Variants in SEMA3A observed in about 807,000 individuals in gnomAD.
SEMA3A encodes the protein semaphorin 3A.
SEMA3A carries 29 observed loss-of-function variants against 97.9 expected under a neutral mutation model. That is an observed-to-expected ratio of 0.30 (90% CI 0.22 to 0.40). The LOEUF (loss-of-function observed/expected upper bound fraction) is 0.40, where lower values mean the gene tolerates loss of function less well. Among genes scored for constraint, SEMA3A ranks in the 10% least tolerant of loss-of-function variants. The pLI, the probability that SEMA3A is intolerant of heterozygous loss-of-function variation, is 1.00. For synonymous variants in SEMA3A, 321 were observed against 323.7 expected, an observed-to-expected ratio of 0.99 and a Z score of 0.09; for missense variants, 763 against 951.3, an observed-to-expected ratio of 0.80 and a Z score of 2.60.
intron 2 of SEMA3A, among the ~76,000 whole-genome samples, chr7:84,359,928 A>G (rs1201226605): frequency 1.3e-5 from 2 of 150,792 alleles, no homozygotes; most frequent in Non-Finnish European, 2.9e-5. Context: ...ATTTGCGTAG[A>G]GGTGTTTGTA....
At chr7:84,288,767 A>G (rs1296243755) in intron 3 of SEMA3A, among the ~76,000 whole-genome samples, 2 of 152,046 alleles carry the variant, frequency 1.3e-5, no homozygotes, top group South Asian at 4.1e-4. Context: ...TGGCTTATAT[A>G]TTGTTTGGTG....
At chr7:84,413,816 G>GA (rs1424348179) in intron 1 of SEMA3A, among the ~76,000 whole-genome samples, 2 of 152,028 alleles carry the variant, frequency 1.3e-5, no homozygotes, top group Non-Finnish European at 2.9e-5. Flanking sequence ...GGATGTGTAG[G>GA]AAAAATATAA....
At chr7:84,073,207 A>C (rs2115762091) in intron 4 of SEMA3A, among the ~76,000 whole-genome samples, 1 of 152,188 alleles carries the variant, frequency 6.6e-6, no homozygotes, top group South Asian at 2.1e-4. Context: ...TATATAAATA[A>C]TAGCTTTATT....
At chr7:84,490,299 T>C (rs879413906) in intron 1 of SEMA3A, among the ~76,000 whole-genome samples, 4 of 151,900 alleles carry the variant, frequency 2.6e-5, no homozygotes, top group Non-Finnish European at 5.9e-5. Context: ...ACTGTATTCA[T>C]CCTCACTCAG....
intron 1 of SEMA3A, among the ~76,000 whole-genome samples, chr7:84,408,270 C>T (rs1308411248): frequency 1.3e-5 from 2 of 152,164 alleles, no homozygotes; most frequent in East Asian, 1.9e-4. Context: ...GACATTTATG[C>T]AGCCAAAAAC....
At chr7:84,000,025 AATTC>A (rs1790376880) in intron 12 of SEMA3A, among the ~76,000 whole-genome samples, 1 of 152,070 alleles carries the variant, frequency 6.6e-6, no homozygotes, top group Admixed American at 6.6e-5. Flanking sequence ...CATCAATACT[AATTC>A]ATTCACTCAT....
intron 14 of SEMA3A, among the ~76,000 whole-genome samples, chr7:83,979,995 C>G (rs1789327178): frequency 6.6e-6 from 1 of 151,856 alleles, no homozygotes; most frequent in African/African-American, 2.4e-5. Context: ...ATAAAGAAAT[C>G]AAATTATATT....
At chr7:84,425,591 TA>T (rs1047080313) in intron 1 of SEMA3A, among the ~76,000 whole-genome samples, 1 of 146,436 alleles carries the variant, frequency 6.8e-6, no homozygotes, top group Non-Finnish European at 1.5e-5. Context: ...GATATAAATA[TA>T]AACATATTGA....
At chr7:83,970,576 T>A (rs1788872926) in intron 15 of SEMA3A, among the ~76,000 whole-genome samples, 1 of 152,190 alleles carries the variant, frequency 6.6e-6, no homozygotes, top group African/African-American at 2.4e-5. Context: ...TTGTGAACCA[T>A]ATTCATTCAA....
intron 6 of SEMA3A, among the ~76,000 whole-genome samples, chr7:84,016,601 G>A (rs1791116638): frequency 6.6e-6 from 1 of 151,598 alleles, no homozygotes; most frequent in South Asian, 2.1e-4. Context: ...GTCACTTGTA[G>A]CTTCTGTGTC....
At chr7:84,268,871 A>G (rs1293561157) in intron 3 of SEMA3A, among the ~76,000 whole-genome samples, 1 of 152,088 alleles carries the variant, frequency 6.6e-6, no homozygotes, top group South Asian at 2.1e-4. Context: ...GAGAATTGCA[A>G]CTCCAGCTCA....
chr7:83,967,234 G>T lies in SEMA3A; in HGVS notation c.1718-3887C>A, dbSNP rs895407052. Among the ~76,000 whole-genome samples the T allele has an allele frequency of 1.1e-4, 16 of 152,054 alleles. 1 individual carries two copies. Among genetic ancestry groups the T allele is most frequent in the African/African-American group, 3.6e-4 (15 of 41,396 alleles). On this transcript the variant is annotated intron_variant, in intron 15 of 16. Coordinates refer to ENST00000265362, the MANE Select transcript of SEMA3A (RefSeq NM_006080.3). ...AATCAATATTTTAAAATAATAATTA[G>T]AAGGCATTCAATAAATATCCTTTCC... is the stretch of plus-strand genomic sequence containing the variant.
intron 3 of SEMA3A, among the ~76,000 whole-genome samples, chr7:84,269,189 A>G (rs1800084578): frequency 6.6e-6 from 1 of 152,048 alleles, no homozygotes; most frequent in African/African-American, 2.4e-5. Flanking sequence ...AATTTTCATC[A>G]TCCTATACAA....
chr7:84,489,323 C>T (rs1806661185), intron 1 of SEMA3A: 3 of 152,120 alleles, frequency 2.0e-5, no homozygotes, highest in African/African-American at 7.2e-5. Context: ...GGGCTTATTA[C>T]AATTCATGGA....
At chr7:84,060,368 T>A (rs1460635000) in intron 5 of SEMA3A, 97 bp downstream of exon 5, 1 of 775,550 alleles carries the variant, frequency 1.3e-6, no homozygotes, top group Non-Finnish European at 2.1e-6. Flanking sequence ...AAACAATTAT[T>A]ATTTCATAAT....
chr7:83,983,422 T>G (rs1275586561), intron 13 of SEMA3A, among the ~76,000 whole-genome samples: 1 of 152,054 alleles, frequency 6.6e-6, no homozygotes, highest in African/African-American at 2.4e-5. Context: ...CAATAACGTC[T>G]AAGAAGCATG....
At position 84,232,422 on chromosome 7, in the gene SEMA3A, A is replaced by ATCTC. The variant is rs142498521; in HGVS notation, c.-82-37758_-82-37755dup. The stretch of plus-strand genomic sequence containing the variant: ...ATATATGTCTGTGATAGATTGTTTA[A>ATCTC]TCTCTCTCTCTCTCTCTCTCCCTCT... On this transcript the variant is annotated intron_variant, in intron 3 of 3. Coordinates refer to the SEMA3A transcript ENST00000424555. Among the ~76,000 whole-genome samples, 16 of 146,048 alleles carry ATCTC rather than the reference A, an allele frequency of 1.1e-4. No individual in the cohort carries two copies. The East Asian group carries it at 1.2e-3, about 11-fold the overall frequency.
chr7:84,224,668 C>G (rs949707242), intron 3 of SEMA3A, among the ~76,000 whole-genome samples: 2 of 152,008 alleles, frequency 1.3e-5, no homozygotes, highest in Non-Finnish European at 2.9e-5. Flanking sequence ...ATTTAAGACA[C>G]CTTGAGCACC....
chr7:84,318,180 A>C (rs939495644), intron 2 of SEMA3A, among the ~76,000 whole-genome samples: 1 of 152,088 alleles, frequency 6.6e-6, no homozygotes, highest in African/African-American at 2.4e-5. Flanking sequence ...TTCTTTAGCT[A>C]TTACATGTTA....
Sources: gnomAD v4.1 joint callset for allele counts (sites outside exome capture counted in the v4.1 genomes callset) on GRCh38, gnomAD v4.1.1 for gene constraint, MANE v1.5 for transcripts, NCBI Gene and HGNC (gene_info 2026-07-23, HGNC 2026-07-21) for gene names.